Variants in SSX5 observed in about 807,000 individuals in gnomAD.
The protein encoded by SSX5 is SSX family member 5, also known as protein SSX5.
SSX5 carries 14 observed loss-of-function variants against 14.9 expected under a neutral mutation model. The observed-to-expected ratio is 0.94, with a 90% confidence interval of 0.62 to 1.47. The LOEUF is 1.47. SSX5 is among the 40% of genes most tolerant of loss of function. SSX5 has a pLI of 0.00. For missense variants in SSX5, 204 were observed against 154.6 expected, an observed-to-expected ratio of 1.32 and a Z score of -1.70; for synonymous variants, 70 against 55.4, an observed-to-expected ratio of 1.26 and a Z score of -1.17.
intron 3 of SSX5, 97 bp from the exon 4 acceptor site, chrX:48,194,321 G>A: frequency 1.0e-6 from 1 of 957,215 alleles, no homozygotes; most frequent in South Asian, 2.0e-5. Context: ...GGCTGAAGCT[G>A]GAGGATTGCT....
intron 6 of SSX5, among the ~76,000 whole-genome samples, chrX:48,188,183 G>T (rs1215608491): frequency 8.9e-6 from 1 of 111,955 alleles, no homozygotes; most frequent in Non-Finnish European, 1.9e-5. Context: ...TTTGTGATCA[G>T]TGAGCTTTGA....
At position 48,193,239 on chromosome X, in the gene SSX5, T is replaced by C. The variant is rs1274434749; in HGVS notation, c.280+890A>G. On this transcript the variant is annotated intron_variant, in intron 4 of 7. Coordinates refer to ENST00000347757, the MANE Select transcript of SSX5 (RefSeq NM_175723.2). Reference sequence around the variant, plus strand: ...AAACTCTGGAAGTTTTTGGCGGATCTACAGTTGTAACATTTTCTTTTTTTT... The same window carrying C: ...AAACTCTGGAAGTTTTTGGCGGATCCACAGTTGTAACATTTTCTTTTTTTT... Among the ~76,000 whole-genome samples the C allele has an allele frequency of 2.9e-5, 3 of 102,490 alleles. No homozygotes were observed. In the Admixed American group the frequency reaches 3.4e-4, roughly 12 times the overall value. The allele number at this position is 102,490 out of a possible 115,157, so 89.0% of individuals were successfully genotyped here.
chrX:48,187,887 G>T (rs1428607369), intron 6 of SSX5, among the ~76,000 whole-genome samples, 156 bp from the exon 7 acceptor site: 41 of 111,627 alleles, frequency 3.7e-4, no homozygotes, highest in African/African-American at 1.0e-3. Context: ...ACATTCTCTG[G>T]CTTAGAGAGG....
In SSX5 at chrX:48,193,888, T is replaced by C. The variant is rs1486132941; in HGVS notation, c.280+241A>G. 6.4e-5 allele frequency among the ~76,000 whole-genome samples: 6 copies of C among 93,878 alleles called. No individual in the cohort carries two copies. The Admixed American group carries it at 6.5e-4, about 10-fold the overall frequency. 81.5% of individuals were successfully genotyped at this position (93,878 alleles called of 115,157 possible). A position where few individuals can be genotyped will look rare whatever the true frequency, so the allele number is the denominator to read the frequency against. On this transcript the variant is annotated intron_variant, in intron 4 of 7. Transcript: ENST00000347757. Reference sequence around the variant, plus strand: ...TTAATTTGATGGCTTTTTATTCACATTCATGTTTGTATACATTTACCACTT... The same window carrying C: ...TTAATTTGATGGCTTTTTATTCACACTCATGTTTGTATACATTTACCACTT...
chrX:48,188,458 G>C (rs781897382), intron 6 of SSX5, among the ~76,000 whole-genome samples: 1 of 112,218 alleles, frequency 8.9e-6, no homozygotes, highest in Non-Finnish European at 1.9e-5. Flanking sequence ...TCACCCTGTT[G>C]TATGTAATTA....
intron 3 of SSX5, 25 bp from the exon 4 acceptor site, chrX:48,194,249 C>A: frequency 8.4e-7 from 1 of 1,193,206 alleles, no homozygotes; most frequent in South Asian, 1.8e-5. Context: ...AATGTTTATT[C>A]CTTAAGAGAC....
chrX:48,192,248 T>C lies in SSX5; in HGVS notation c.314A>G (p.Gln105Arg). 8.3e-7 allele frequency: 1 copy of C among 1,211,584 alleles called. No individual in the cohort carries two copies. The highest frequency in any genetic ancestry group is 3.0e-5 in the East Asian group (1 of 33,838). The change falls in exon 5 of 8, where the codon CAG becomes CGG. Residue 105 changes from glutamine to arginine, a missense_variant. Physicochemically the swap from Gln to Arg is conservative, Grantham distance 43 (BLOSUM62 1). Transcript: ENST00000347757. ...GACACTCACCTTCGGGAAGATTCCC[T>C]GGAGCCTGCCGAAAGTCATCTGAGG... ...EHPQMTFGRL[Q>R]GIFPKITPEK... is the part of the protein sequence containing the mutation.
intron 6 of SSX5, among the ~76,000 whole-genome samples, chrX:48,189,006 T>C (rs1472927270): frequency 5.4e-5 from 6 of 112,065 alleles, no homozygotes; most frequent in African/African-American, 1.9e-4. Context: ...CAAACTCTCT[T>C]CAAGTCCATG....
chrX:48,188,257 T>C (rs147646704), intron 6 of SSX5, among the ~76,000 whole-genome samples: 336 of 112,544 alleles, frequency 3.0e-3, no homozygotes, highest in Non-Finnish European at 3.9e-3. Context: ...TTTTTTATTT[T>C]TGTGGGTACA....
At chrX:48,188,082 T>G (rs2059405945) in intron 6 of SSX5, among the ~76,000 whole-genome samples, 1 of 111,895 alleles carries the variant, frequency 8.9e-6, no homozygotes, top group African/African-American at 3.3e-5. Context: ...TGCACCTCAT[T>G]TTCATACTGC....
rs1556924903 is a variant in SSX5 at position 48,192,262 on chromosome X, A to T, written c.300T>A (p.Thr100=). 8.3e-7 allele frequency: 1 copy of T among 1,211,696 alleles called. No individual in the cohort carries two copies. Among genetic ancestry groups the T allele is most frequent in the Non-Finnish European group, 1.1e-6 (1 of 895,341 alleles). Residue 100 remains threonine, a synonymous_variant, in exon 5 of 8, where the codon ACT becomes ACA. Coordinates refer to ENST00000347757, the MANE Select transcript of SSX5 (RefSeq NM_175723.2). ...GGAAGATTCCCTGGAGCCTGCCGAAAGTCATCTGAGGATGTTCAACTGAAA... is the reference window on the plus strand; with the variant it reads ...GGAAGATTCCCTGGAGCCTGCCGAATGTCATCTGAGGATGTTCAACTGAAA... ...RGNQVEHPQM[T]FGRLQGIFPK... is the part of the protein sequence containing the mutation.
intron 5 of SSX5, among the ~76,000 whole-genome samples, chrX:48,192,013 A>G (rs2059421843): frequency 1.8e-5 from 2 of 112,422 alleles, no homozygotes; most frequent in South Asian, 7.4e-4. Flanking sequence ...ATCCATGTGA[A>G]CTGCTTAAAA....
chrX:48,188,946 A>G (rs1275805773), intron 6 of SSX5, among the ~76,000 whole-genome samples: 1 of 112,733 alleles, frequency 8.9e-6, no homozygotes, highest in Non-Finnish European at 1.9e-5. Context: ...ATAGAAGACG[A>G]AACCAGCCAC....
intron 4 of SSX5, among the ~76,000 whole-genome samples, chrX:48,193,810 A>C (rs2059429026): frequency 9.2e-6 from 1 of 109,264 alleles, no homozygotes; most frequent in African/African-American, 3.3e-5. Flanking sequence ...TCTGTGCCGC[A>C]CTCAGCAATC....
In SSX5 at chrX:48,194,212, G is replaced by A. The variant is rs782355411; in HGVS notation, c.197C>T (p.Thr66Ile). The A allele has an allele frequency of 2.5e-6, 3 of 1,207,926 alleles. No homozygotes were observed. The highest frequency in any genetic ancestry group is 1.8e-5 in the African/African-American group (1 of 56,676). Residue 66 changes from threonine (T) to isoleucine (I), a missense_variant, in exon 4 of 8, where the codon ACC becomes ATC. Physicochemically the swap from Thr to Ile is moderately conservative, Grantham distance 89. Coordinates refer to ENST00000347757, the MANE Select transcript of SSX5 (RefSeq NM_175723.2). ...TTTATTACGCATGAAAGGTGGGAGG[G>A]TGGCCTTGAAACCTAGAAAGAAGCA... ...EAMTKLGFKATLPPFMRNKRV... is the reference protein window; with the variant it reads ...EAMTKLGFKAILPPFMRNKRV...
rs781923643 is a variant in SSX5 at position 48,187,757 on chromosome X, G to A, written c.467-26C>T. 9 of 1,196,434 alleles carry A rather than the reference G, an allele frequency of 7.5e-6. No homozygotes were observed. The Admixed American group carries it at 1.8e-4, about 23-fold the overall frequency. On this transcript the variant is annotated intron_variant, in intron 6 of 7. Coordinates refer to ENST00000347757, the MANE Select transcript of SSX5 (RefSeq NM_175723.2). ...CTATGATGGAGAAGAGTTGGAAGATGAGGGTTGGGTAGATTGGAGAGGGTT... is the reference window on the plus strand; with the variant it reads ...CTATGATGGAGAAGAGTTGGAAGATAAGGGTTGGGTAGATTGGAGAGGGTT...
intron 6 of SSX5, among the ~76,000 whole-genome samples, chrX:48,189,810 T>G (rs1446054222): frequency 8.9e-6 from 1 of 112,133 alleles, no homozygotes; most frequent in Non-Finnish European, 1.9e-5. Context: ...TCAGCACCTT[T>G]CATGTCATCA....
At position 48,186,454 on chromosome X, in the gene SSX5, A is replaced by C; in HGVS notation, c.*407T>G. The C allele has an allele frequency of 3.3e-6, 1 of 299,963 alleles. No individual in the cohort carries two copies. The highest frequency in any genetic ancestry group is 5.9e-6 in the Non-Finnish European group (1 of 168,337). The allele number at this position is 299,963 out of a possible 1,213,427, so 24.7% of individuals were successfully genotyped here. A position where few individuals can be genotyped will look rare whatever the true frequency, so the allele number is the denominator to read the frequency against. On this transcript the variant is annotated 3_prime_UTR_variant, in exon 8 of 8. Coordinates refer to ENST00000347757, the MANE Select transcript of SSX5 (RefSeq NM_175723.2). ...TGTGGCATGTGTGTGTGTTTGTGTA[A>C]ATGCAGAGGAAAAAATCTGAAATTA... is the stretch of plus-strand genomic sequence containing the variant.
At chrX:48,190,714 G>T (rs1261216749) in intron 5 of SSX5, among the ~76,000 whole-genome samples, 1 of 111,122 alleles carries the variant, frequency 9.0e-6, no homozygotes, top group Non-Finnish European at 1.9e-5. Context: ...ACAAGATGGT[G>T]TGGGGAGATG....
Sources: gnomAD v4.1 joint callset for allele counts (sites outside exome capture counted in the v4.1 genomes callset) on GRCh38, gnomAD v4.1.1 for gene constraint, MANE v1.5 for transcripts, NCBI Gene and HGNC (gene_info 2026-07-23, HGNC 2026-07-21) for gene names.